SOBP: variants seen among roughly 807,000 people sequenced by gnomAD.
SOBP encodes the protein sine oculis binding protein homolog, also known as sine oculis-binding protein homolog.
Under a neutral mutation model 53.6 loss-of-function variants are expected in SOBP, and 4 were observed. The observed-to-expected ratio is 0.07, with a 90% CI of 0.04 to 0.17. The LOEUF (loss-of-function observed/expected upper bound fraction) is 0.17. Among genes scored for constraint, SOBP ranks in the 10% least tolerant of loss-of-function variants. The pLI, the probability that SOBP is intolerant of heterozygous loss-of-function variation, is 1.00. For synonymous variants in SOBP, 584 were observed against 522.6 expected, an observed-to-expected ratio of 1.12 and a Z score of -1.60; for missense variants, 1,088 against 1,204.7, an observed-to-expected ratio of 0.90 and a Z score of 1.43.
At chr6:107,518,603 C>T (rs756897065) in intron 3 of SOBP, among the ~76,000 whole-genome samples, 1 of 152,126 alleles carries the variant, frequency 6.6e-6, no homozygotes, top group Non-Finnish European at 1.5e-5. Flanking sequence ...TTCATAATAG[C>T]TAAAAACTGG....
intron 1 of SOBP, among the ~76,000 whole-genome samples, chr6:107,494,267 A>G (rs1782647396): frequency 1.3e-5 from 2 of 152,256 alleles, no homozygotes; most frequent in South Asian, 4.1e-4. Context: ...TCTCAGGTAT[A>G]CTGTTAGCTC....
At chr6:107,600,016 T>G (rs2818262) in intron 5 of SOBP, among the ~76,000 whole-genome samples, 43,751 of 152,134 alleles carry the variant, frequency 0.29, 7,922 homozygotes, top group East Asian at 0.58. Flanking sequence ...CAAGGTCATG[T>G]TCAAGATTAA....
At chr6:107,503,630 AAGT>A (rs1782900584) in intron 1 of SOBP, 24 bp from the exon 2 acceptor site, 2 of 1,613,026 alleles carry the variant, frequency 1.2e-6, no homozygotes, top group East Asian at 4.5e-5. Flanking sequence ...TTATAGAAAT[AAGT>A]AGTAGCCTAT....
At chr6:107,608,528 G>C (rs1008896125) in intron 5 of SOBP, among the ~76,000 whole-genome samples, 21 of 152,288 alleles carry the variant, frequency 1.4e-4, no homozygotes, top group African/African-American at 4.8e-4. Context: ...TAATTTAGAG[G>C]ACTGACATAG....
At chr6:107,599,936 A>G (rs1175253054) in intron 5 of SOBP, among the ~76,000 whole-genome samples, 1 of 152,240 alleles carries the variant, frequency 6.6e-6, no homozygotes, top group Non-Finnish European at 1.5e-5. Context: ...CGTTTAGTCA[A>G]AACTCAAGTG....
rs558897798 is a variant in SOBP at position 107,660,566 on chromosome 6, C to T, written c.*2363C>T. Among the ~76,000 whole-genome samples the T allele has an allele frequency of 3.3e-5, 5 of 152,188 alleles. No individual in the cohort carries two copies. Among genetic ancestry groups the T allele is most frequent in the South Asian group, 2.1e-4 (1 of 4,824 alleles). ...ATGCTCCACGGGTTCCACTCACATC[C>T]ACACACCATCTCACCCCACTGACTA... On this transcript the variant is annotated 3_prime_UTR_variant, in exon 7 of 7. Coordinates refer to ENST00000317357, the MANE Select transcript of SOBP (RefSeq NM_018013.4).
chr6:107,494,534 A>G (rs961282209), intron 1 of SOBP, among the ~76,000 whole-genome samples: 1 of 152,264 alleles, frequency 6.6e-6, no homozygotes, highest in Non-Finnish European at 1.5e-5. Context: ...AGTAGAGATT[A>G]TGAGTTCAAT....
At chr6:107,538,104 T>C (rs1432754829) in intron 4 of SOBP, among the ~76,000 whole-genome samples, 1 of 151,126 alleles carries the variant, frequency 6.6e-6, no homozygotes, top group African/African-American at 2.5e-5. Context: ...GATCTCTTCT[T>C]AGAAGACATT....
At chr6:107,618,095 C>T (rs189362160) in intron 5 of SOBP, among the ~76,000 whole-genome samples, 107 of 152,246 alleles carry the variant, frequency 7.0e-4, no homozygotes, top group African/African-American at 2.5e-3. Context: ...TCTTAAAATA[C>T]TGGGATTACA....
At chr6:107,554,875 G>A (rs1242822049) in intron 4 of SOBP, among the ~76,000 whole-genome samples, 2 of 152,144 alleles carry the variant, frequency 1.3e-5, no homozygotes, top group Admixed American at 1.3e-4. Flanking sequence ...GTGGGAGGTG[G>A]TGGAGAAACT....
At chr6:107,601,722 A>G (rs1355144865) in intron 5 of SOBP, among the ~76,000 whole-genome samples, 1 of 152,244 alleles carries the variant, frequency 6.6e-6, no homozygotes, top group Non-Finnish European at 1.5e-5. Context: ...AATTGACCAC[A>G]TAGAATAATC....
At chr6:107,491,935 G>T (rs1161276054) in intron 1 of SOBP, among the ~76,000 whole-genome samples, 4 of 152,188 alleles carry the variant, frequency 2.6e-5, no homozygotes. Flanking sequence ...GGGGACGCAT[G>T]GATATATATC....
intron 3 of SOBP, among the ~76,000 whole-genome samples, chr6:107,512,732 A>AT (rs112958673): frequency 4.0e-5 from 6 of 151,336 alleles, no homozygotes; most frequent in Admixed American, 2.0e-4. Flanking sequence ...TGCTCCCAAA[A>AT]TTTTTTTTTT....
At chr6:107,577,967 G>A (rs913252707) in intron 4 of SOBP, among the ~76,000 whole-genome samples, 2 of 151,798 alleles carry the variant, frequency 1.3e-5, no homozygotes, top group Non-Finnish European at 2.9e-5. Flanking sequence ...CCAGCTACTC[G>A]GGAGGCTGAG....
chr6:107,532,792 CCTGCATCTCCCTTAGGACA>C (rs748130467), intron 3 of SOBP, among the ~76,000 whole-genome samples: 7 of 152,158 alleles, frequency 4.6e-5, no homozygotes, highest in Admixed American at 1.3e-4. Context: ...TTCAATCAGG[CCTGCATCTCCCTTAGGACA>C]CCAGTGCCGG....
chr6:107,636,892 A>G (rs1005989395), intron 6 of SOBP, among the ~76,000 whole-genome samples: 5 of 152,232 alleles, frequency 3.3e-5, no homozygotes, highest in African/African-American at 1.2e-4. Flanking sequence ...GAGGAAACCA[A>G]GACAGAGACA....
At chr6:107,554,325 C>G (rs1784547009) in intron 4 of SOBP, among the ~76,000 whole-genome samples, 1 of 152,160 alleles carries the variant, frequency 6.6e-6, no homozygotes, top group Non-Finnish European at 1.5e-5. Flanking sequence ...AGTCACAAAA[C>G]TGGTGATGTT....
chr6:107,605,326 G>A (rs2115091468), intron 5 of SOBP, among the ~76,000 whole-genome samples: 1 of 152,362 alleles, frequency 6.6e-6, no homozygotes, highest in East Asian at 1.9e-4. Context: ...GCAAACTGAA[G>A]TGGGGAACCC....
rs1473974100 is a variant in SOBP, at chr6:107,634,829, C to T, written c.1985C>T (p.Ala662Val). Residue 662 changes from alanine to valine, a missense_variant, in exon 6 of 7, where the codon GCC (alanine) becomes GTC (valine). Transcript: ENST00000317357. This position sits in a 1 kb window ranked among gnomAD's most constrained non-coding sequence, Gnocchi z 4.5. ...GVIDLTVGHRARLHNVIHRAL... is the reference protein window; with the variant it reads ...GVIDLTVGHRVRLHNVIHRAL... ...ATCGACCTGACCGTGGGCCACCGAG[C>T]CCGGCTGCACAACGTGATCCACCGC... 2.8e-6 allele frequency: 4 copies of T among 1,407,094 alleles called. No homozygotes were observed. Among genetic ancestry groups the T allele is most frequent in the African/African-American group, 1.5e-5 (1 of 66,830 alleles). The allele number at this position is 1,407,094 out of a possible 1,614,324, so 87.2% of individuals were successfully genotyped here.
Sources: allele counts gnomAD v4.1 joint callset (sites outside exome capture counted in the v4.1 genomes callset), GRCh38; gene constraint gnomAD v4.1.1; non-coding constraint Gnocchi (gnomAD v3.1); transcripts MANE v1.5; gene names NCBI Gene and HGNC (gene_info 2026-07-23, HGNC 2026-07-21).